The following GALNT2 variants were observed in gnomAD, a reference collection of about 807,000 sequenced individuals.
GALNT2 encodes the protein UDP-GalNAc:polypeptide N-acetylgalactosaminyltransferase 2.
In GALNT2, 31 loss-of-function variants were observed where a neutral mutation model predicts 81.4. The ratio of observed to expected loss-of-function variants is 0.38; its 90% CI spans 0.29 to 0.51. The LOEUF is 0.51. Ranked by LOEUF, GALNT2 falls within the 20% of genes least tolerant of loss-of-function variation. GALNT2 has a pLI of 0.87. For missense variants in GALNT2, 629 were observed against 765.7 expected, an observed-to-expected ratio of 0.82 and a Z score of 2.11; for synonymous variants, 303 against 287.4, an observed-to-expected ratio of 1.05 and a Z score of -0.55.
chr1:230,163,687 G>A (rs1662508395), intron 1 of GALNT2, among the ~76,000 whole-genome samples: 1 of 152,202 alleles, frequency 6.6e-6, no homozygotes. Flanking sequence ...TTTCCCATCA[G>A]GATCAAATGA....
At chr1:230,140,539 G>A (rs1439023523) in intron 1 of GALNT2, among the ~76,000 whole-genome samples, 10 of 152,162 alleles carry the variant, frequency 6.6e-5, no homozygotes, top group Non-Finnish European at 1.0e-4. Flanking sequence ...ATCCAGCCTC[G>A]GAACCGGGAG....
intron 1 of GALNT2, among the ~76,000 whole-genome samples, chr1:230,164,242 C>T (rs1662528361): frequency 1.3e-5 from 2 of 152,138 alleles, no homozygotes; most frequent in Non-Finnish European, 2.9e-5. Flanking sequence ...GCAGAAGGGC[C>T]GTCGGGCCCA....
chr1:230,100,601 C>T (rs1278425552), intron 1 of GALNT2, among the ~76,000 whole-genome samples: 1 of 152,238 alleles, frequency 6.6e-6, no homozygotes, highest in Non-Finnish European at 1.5e-5. Flanking sequence ...GCTGGGATTA[C>T]AGGCGTGAGC....
intron 1 of GALNT2, among the ~76,000 whole-genome samples, chr1:230,156,438 A>G (rs1020238261): frequency 2.0e-5 from 3 of 152,120 alleles, no homozygotes; most frequent in African/African-American, 4.8e-5. Context: ...GGTAGGATAT[A>G]TTCATTGGTG....
At chr1:230,062,306 A>G (rs1571916395), upstream of GALNT2, among the ~76,000 whole-genome samples, 1 of 152,132 alleles carries the variant, frequency 6.6e-6, no homozygotes, top group Admixed American at 6.5e-5. Flanking sequence ...TTACCTTTTT[A>G]TCTATAATGT....
chr1:230,092,185 T>TGTTTTTTTTTTTTGTTTTTTTTTTTTG (rs371156205), intron 1 of GALNT2, among the ~76,000 whole-genome samples: 2 of 114,286 alleles, frequency 1.7e-5, no homozygotes, highest in South Asian at 3.0e-4. Context: ...AGTTTTTTTT[T>TGTTTTTTTTTTTTGTTTTTTTTTTTTG]TTTTTTTTTT....
intron 1 of GALNT2, among the ~76,000 whole-genome samples, chr1:230,170,580 T>C (rs1421493590): frequency 2.6e-5 from 4 of 152,156 alleles, no homozygotes; most frequent in Admixed American, 6.5e-5. Context: ...TTGTTTTACA[T>C]TGCTATAAAG....
chr1:230,195,510 G>A (rs1663665064), intron 2 of GALNT2, among the ~76,000 whole-genome samples: 2 of 152,182 alleles, frequency 1.3e-5, no homozygotes, highest in African/African-American at 4.8e-5. Context: ...GGAGGAGGTA[G>A]CCACATTGAG....
chr1:230,129,943 G>A (rs1227982572), intron 1 of GALNT2, among the ~76,000 whole-genome samples: 3 of 152,214 alleles, frequency 2.0e-5, no homozygotes, highest in Admixed American at 1.3e-4. Context: ...AGCTTCCTGT[G>A]GACAGGCATC....
At chr1:230,123,476 G>A (rs538704724) in intron 1 of GALNT2, among the ~76,000 whole-genome samples, 30 of 152,274 alleles carry the variant, frequency 2.0e-4, no homozygotes, top group Non-Finnish European at 3.5e-4. Context: ...TCCAGGGTTC[G>A]AAAATAACTG....
chr1:230,119,969 T>C (rs2102799625), intron 1 of GALNT2, among the ~76,000 whole-genome samples: 1 of 152,278 alleles, frequency 6.6e-6, no homozygotes, highest in East Asian at 1.9e-4. Context: ...TGTCTGTTCC[T>C]GCCCCAGACC....
chr1:230,278,112 CT>C (rs34767763), intron 15 of GALNT2, among the ~76,000 whole-genome samples: 674 of 121,118 alleles, frequency 5.6e-3, no homozygotes, highest in African/African-American at 9.2e-3. Context: ...GTTTTTCTTT[CT>C]TTTTTTTTTT....
In GALNT2 at chr1:230,072,406, C is replaced by T. The variant is rs559973383; in HGVS notation, c.126+5000C>T. Among the ~76,000 whole-genome samples, 3 of 152,112 alleles carry T rather than the reference C, an allele frequency of 2.0e-5. No individual in the cohort carries two copies. The East Asian group carries it at 5.8e-4, about 29-fold the overall frequency. On this transcript the variant is annotated intron_variant, in intron 1 of 15. Transcript: ENST00000366672. ...GGTGAGGCTGCCTGGGACAGAGACA[C>T]AGGTGTAAGCAGGAGTCGACTGTGA...
At chr1:230,107,646 T>TGTGTGTGTGTGTGTG (rs1356238842) in intron 1 of GALNT2, among the ~76,000 whole-genome samples, 1 of 91,298 alleles carries the variant, frequency 1.1e-5, no homozygotes, top group Admixed American at 1.1e-4. Context: ...GTGTGTGTGG[T>TGTGTGTGTGTGTGTG]TGGTTGGTTG....
chr1:230,146,073 C>T (rs1661906649), intron 1 of GALNT2, among the ~76,000 whole-genome samples: 1 of 152,202 alleles, frequency 6.6e-6, no homozygotes, highest in Admixed American at 6.5e-5. Flanking sequence ...TAATCTGTAG[C>T]TGCTTATGTT....
At chr1:230,172,521 G>A (rs1662826939) in intron 1 of GALNT2, among the ~76,000 whole-genome samples, 1 of 152,206 alleles carries the variant, frequency 6.6e-6, no homozygotes, top group South Asian at 2.1e-4. Flanking sequence ...AAGTCAGGTA[G>A]CCCTTCTGGA....
At chr1:230,089,721 C>G (rs1660004819) in intron 1 of GALNT2, among the ~76,000 whole-genome samples, 1 of 152,168 alleles carries the variant, frequency 6.6e-6, no homozygotes, top group African/African-American at 2.4e-5. Flanking sequence ...CAAGGTTTAT[C>G]CATGTAGCAT....
chr1:230,157,096 G>A (rs904695473), intron 1 of GALNT2, among the ~76,000 whole-genome samples: 3 of 152,166 alleles, frequency 2.0e-5, no homozygotes, highest in African/African-American at 4.8e-5. Flanking sequence ...TTAAGGCCTC[G>A]TGTACTGTGG....
At chr1:230,201,851 T>C (rs1432905904) in intron 2 of GALNT2, among the ~76,000 whole-genome samples, 1 of 152,168 alleles carries the variant, frequency 6.6e-6, no homozygotes, top group Non-Finnish European at 1.5e-5. Flanking sequence ...TGTTCAGTTA[T>C]CTGCTCAAAA....
Sources: gnomAD v4.1 joint callset for allele counts (sites outside exome capture counted in the v4.1 genomes callset) on GRCh38, gnomAD v4.1.1 for gene constraint, MANE v1.5 for transcripts, NCBI Gene and HGNC (gene_info 2026-07-23, HGNC 2026-07-21) for gene names.